The following PDE6B variants were observed in gnomAD, a reference collection of about 807,000 sequenced individuals.
The protein encoded by PDE6B is phosphodiesterase 6B.
Under a neutral mutation model 109.0 loss-of-function variants are expected in PDE6B, and 106 were observed. The observed-to-expected ratio is 0.97, with a 90% CI of 0.83 to 1.14. The LOEUF (loss-of-function observed/expected upper bound fraction) is 1.14. PDE6B is among the 50% of genes most tolerant of loss of function. The probability of loss-of-function intolerance (pLI) is 0.00; values close to 1 mark genes in which losing one functional copy is unlikely to be tolerated. For missense variants in PDE6B, 1,193 were observed against 1,155.6 expected, an observed-to-expected ratio of 1.03 and a Z score of -0.47; for synonymous variants, 490 against 471.3, an observed-to-expected ratio of 1.04 and a Z score of -0.51.
intron 4 of PDE6B, 39 bp from the exon 5 acceptor site, chr4:654,041 C>T (rs775284721): frequency 2.5e-6 from 4 of 1,613,398 alleles, no homozygotes; most frequent in Non-Finnish European, 3.4e-6. Context: ...GACCCAGGTC[C>T]CGCAGTGACC....
rs751020575 is a variant in PDE6B, at chr4:663,752, T to A, written c.1921-18T>A. 1.2e-6 allele frequency: 2 copies of A among 1,600,852 alleles called. No homozygotes were observed. The highest frequency in any genetic ancestry group is 1.7e-6 in the Non-Finnish European group (2 of 1,169,332). ...GGTGGCCGCAGGGCGCCTGACGCGC[T>A]GGGCATAACCTCCGCAGACCCTGAA... On this transcript the variant is annotated intron_variant, in intron 15 of 21. Transcript: ENST00000496514. The surrounding 1 kb of genome is among the most constrained non-coding windows in gnomAD (Gnocchi z 4.0).
chr4:630,919 T>C (rs1734354448), intron 1 of PDE6B, among the ~76,000 whole-genome samples: 2 of 151,850 alleles, frequency 1.3e-5, no homozygotes, highest in African/African-American at 4.8e-5. Context: ...GGGCCAGTGG[T>C]GAAGGAGAGA....
intron 3 of PDE6B, among the ~76,000 whole-genome samples, chr4:650,825 G>A (rs1331526679): frequency 6.6e-6 from 1 of 152,174 alleles, no homozygotes; most frequent in African/African-American, 2.4e-5. Flanking sequence ...GGAATGCCCT[G>A]AGCCCGAGCC....
In PDE6B at chr4:626,106, C is replaced by G. The variant is rs781668266; in HGVS notation, c.468+12C>G. 2 of 1,513,780 alleles carry G rather than the reference C, an allele frequency of 1.3e-6. No individual in the cohort carries two copies. The highest frequency in any genetic ancestry group is 1.8e-6 in the Non-Finnish European group (2 of 1,108,518). 93.8% of individuals were successfully genotyped at this position (1,513,780 alleles called of 1,614,324 possible). A position where few individuals can be genotyped will look rare whatever the true frequency, so the allele number is the denominator to read the frequency against. On this transcript the variant is annotated intron_variant, in intron 1 of 21. Transcript: ENST00000496514. The surrounding 1 kb of genome is among the most constrained non-coding windows in gnomAD (Gnocchi z 4.6). ...AGGACGTGGCCGAGGTGGGTCTGTG[C>G]GGAGCCTCAGGGAGGCGGCTGTGTG...
chr4:659,403 G>A (rs945865031), intron 11 of PDE6B, among the ~76,000 whole-genome samples: 1 of 152,236 alleles, frequency 6.6e-6, no homozygotes, highest in Non-Finnish European at 1.5e-5. Flanking sequence ...CTAGGTGCCT[G>A]CAACTCCCAG....
rs114100439 is a variant in PDE6B at position 657,389 on chromosome 4, C to T, written c.1296C>T (p.Thr432=). ...TQFLGWSVMN[T]DTYDKMNKLE... Reference sequence around the variant, plus strand: ...TCCTGGGCTGGTCAGTGATGAACACCGACACCTACGACAAGATGAACAAGC... The same window carrying T: ...TCCTGGGCTGGTCAGTGATGAACACTGACACCTACGACAAGATGAACAAGC... Residue 432 remains threonine (T), a synonymous_variant, in exon 10 of 22, where the codon ACC becomes ACT. Coordinates refer to ENST00000496514, the MANE Select transcript of PDE6B (RefSeq NM_000283.4). 6.9e-4 allele frequency: 1,112 copies of T among 1,612,850 alleles called. 2 individuals carry two copies. Among genetic ancestry groups the T allele is most frequent in the South Asian group, 1.5e-3 (136 of 91,072 alleles).
At chr4:653,432 C>G (rs2109188992) in intron 3 of PDE6B, 1 of 824,560 alleles carries the variant, frequency 1.2e-6, no homozygotes, top group African/African-American at 1.8e-5. Context: ...ATGCTTCACT[C>G]TCAGACGCTT....
At position 657,269 on chromosome 4, in the gene PDE6B, A is replaced by T. The variant is rs903870535; in HGVS notation, c.1258-82A>T. ...TGGCAGCCCCAGGACCTGCCCGCCG[A>T]GCCACGGGGCCTGGCACACAGGCAC... On this transcript the variant is annotated intron_variant, in intron 9 of 21. Coordinates refer to ENST00000496514, the MANE Select transcript of PDE6B (RefSeq NM_000283.4). 11 of 1,532,038 alleles carry T rather than the reference A, an allele frequency of 7.2e-6. No homozygotes were observed. In the Admixed American group the frequency reaches 1.6e-4, roughly 22 times the overall value. The allele number at this position is 1,532,038 out of a possible 1,614,324, so 94.9% of individuals were successfully genotyped here. A position where few individuals can be genotyped will look rare whatever the true frequency, so the allele number is the denominator to read the frequency against.
Position 634,668 on chromosome 4 carries a change from T to TC in PDE6B, c.469-9_469-8insC. The TC allele has an allele frequency of 6.2e-7, 1 of 1,611,458 alleles. No homozygotes were observed. The highest frequency in any genetic ancestry group is 8.5e-7 in the Non-Finnish European group (1 of 1,177,596). On this transcript the variant is annotated splice_polypyrimidine_tract_variant and intron_variant, in intron 1 of 21. Coordinates refer to ENST00000496514, the MANE Select transcript of PDE6B (RefSeq NM_000283.4). ...CAGCCTCTTTAGCCTCTTTCCTCTC[T>TC]TGCGGCAGTGCCCTCACTTCAGCTC... is the stretch of plus-strand genomic sequence containing the variant.
intron 11 of PDE6B, among the ~76,000 whole-genome samples, chr4:659,762 TTGTGTGTGCA>T (rs1230970355): frequency 6.9e-6 from 1 of 144,456 alleles, no homozygotes; most frequent in Non-Finnish European, 1.5e-5. Context: ...GGGGTGTGTA[TTGTGTGTGCA>T]TGTGTGTGCA....
At position 664,298 on chromosome 4, in the gene PDE6B, C is replaced by T. The variant is rs1737522641; in HGVS notation, c.2129+77C>T. 3 of 825,876 alleles carry T rather than the reference C, an allele frequency of 3.6e-6. No individual in the cohort carries two copies. In the South Asian group the frequency reaches 4.1e-5, roughly 11 times the overall value. The allele number at this position is 825,876 out of a possible 1,614,324, so 51.2% of individuals were successfully genotyped here. On this transcript the variant is annotated intron_variant, in intron 17 of 21. Transcript: ENST00000496514. ...CCCACTCACCAGCTGGTTAACCCTG[C>T]AGCCCTCCCCAGACGCTCTGGAGCA... is the stretch of plus-strand genomic sequence containing the variant.
At chr4:634,015 C>T in intron 1 of PDE6B, among the ~76,000 whole-genome samples, 1 of 151,838 alleles carries the variant, frequency 6.6e-6, no homozygotes, top group East Asian at 1.9e-4. Context: ...TGGGTGGGTA[C>T]CCCCTGGGAG....
rs1425884029 is a variant in PDE6B, at chr4:656,927, C to T, written c.1161C>T (p.Pro387=). ...TCATCAAGAATGTGCTGTCCATGCC[C>T]ATCGTCAACAAGAAGGAGGAGATTG... ...GWLIKNVLSM[P]IVNKKEEIVG... Residue 387 remains proline, a synonymous_variant, in exon 9 of 22, where the codon CCC becomes CCT. Transcript: ENST00000496514. 3 of 1,612,824 alleles carry T rather than the reference C, an allele frequency of 1.9e-6. No individual in the cohort carries two copies. The highest frequency in any genetic ancestry group is 2.2e-5 in the East Asian group (1 of 44,888).
intron 11 of PDE6B, 85 bp from the exon 12 acceptor site, chr4:660,382 C>T (rs1736917918): frequency 7.3e-7 from 1 of 1,374,332 alleles, no homozygotes; most frequent in African/African-American, 1.4e-5. Flanking sequence ...TGAGGCTTGG[C>T]AGGGGATCTG....
intron 3 of PDE6B, among the ~76,000 whole-genome samples, chr4:640,255 A>G (rs975152031): frequency 6.6e-6 from 1 of 152,038 alleles, no homozygotes; most frequent in Non-Finnish European, 1.5e-5. Context: ...ATAAAGTCCA[A>G]TTGGCCAGGC....
At position 663,146 on chromosome 4, in the gene PDE6B, C is replaced by T. The variant is rs371911345; in HGVS notation, c.1879C>T (p.Arg627Trp). The change falls in exon 15 of 22, where the codon CGG (arginine) becomes TGG (tryptophan). Residue 627 changes from arginine to tryptophan, a missense_variant. By Grantham distance (101) the Arg-to-Trp change is moderately radical. Coordinates refer to ENST00000496514, the MANE Select transcript of PDE6B (RefSeq NM_000283.4). This position sits in a 1 kb window ranked among gnomAD's most constrained non-coding sequence, Gnocchi z 4.0. ...GCTCCACGGCTCCTCGATTTTGGAG[C>T]GGCACCACCTGGAGTTTGGGAAGTT... ...AKLHGSSILE[R>W]HHLEFGKFLL... 6.2e-7 allele frequency: 1 copy of T among 1,611,604 alleles called. No homozygotes were observed. The highest frequency in any genetic ancestry group is 8.5e-7 in the Non-Finnish European group (1 of 1,177,796).
intron 3 of PDE6B, among the ~76,000 whole-genome samples, chr4:646,508 A>G (rs1007962482): frequency 9.9e-5 from 15 of 151,930 alleles, no homozygotes; most frequent in Non-Finnish European, 2.1e-4. Flanking sequence ...GGTGTCTGTC[A>G]ATACTTTTGG....
chr4:637,035 A>G (rs1367933009), intron 3 of PDE6B, among the ~76,000 whole-genome samples: 1 of 152,176 alleles, frequency 6.6e-6, no homozygotes, highest in Non-Finnish European at 1.5e-5. Flanking sequence ...CTCCTCATTT[A>G]CTAATTTATT....
chr4:664,765 C>T (rs1737588835), intron 17 of PDE6B, 116 bp from the exon 18 acceptor site: 4 of 838,040 alleles, frequency 4.8e-6, no homozygotes, highest in South Asian at 2.6e-5. Context: ...GAGATTGCGC[C>T]ATTGCACTCC....
Sources: allele counts gnomAD v4.1 joint callset (sites outside exome capture counted in the v4.1 genomes callset), GRCh38; gene constraint gnomAD v4.1.1; non-coding constraint Gnocchi (gnomAD v3.1); transcripts MANE v1.5; gene names NCBI Gene and HGNC (gene_info 2026-07-23, HGNC 2026-07-21).